UGT1A4: variants seen among roughly 807,000 people sequenced by gnomAD.
UGT1A4 encodes the protein UDP glucuronosyltransferase family 1 member A4.
In UGT1A4, 32 loss-of-function variants were observed where a neutral mutation model predicts 41.1. The ratio of observed to expected loss-of-function variants is 0.78; its 90% CI spans 0.59 to 1.05. UGT1A4 has a LOEUF of 1.05. UGT1A4 is among the 50% of genes least tolerant of loss of function. The pLI, the probability that UGT1A4 is intolerant of heterozygous loss-of-function variation, is 0.00. For synonymous variants in UGT1A4, 283 were observed against 265.1 expected, an observed-to-expected ratio of 1.07 and a Z score of -0.66; for missense variants, 748 against 677.4, an observed-to-expected ratio of 1.10 and a Z score of -1.16.
intron 1 of UGT1A4, among the ~76,000 whole-genome samples, chr2:233,727,362 C>G (rs1360836232): frequency 6.6e-6 from 1 of 152,136 alleles, no homozygotes; most frequent in Admixed American, 6.5e-5. Context: ...ATCCTTAGGG[C>G]CCCTAGGTCT....
intron 1 of UGT1A4, among the ~76,000 whole-genome samples, chr2:233,734,140 A>T (rs2078490993): frequency 1.3e-5 from 2 of 152,148 alleles, no homozygotes; most frequent in Admixed American, 1.3e-4. Context: ...TTTGGCTGTG[A>T]ATCCATCTGG....
Position 233,756,787 on chromosome 2 carries a change from G to A in UGT1A4, c.868-10247G>A, listed in dbSNP as rs1029492896. Among the ~76,000 whole-genome samples the A allele has an allele frequency of 9.9e-5, 15 of 151,900 alleles. No individual in the cohort carries two copies. The East Asian group carries it at 1.2e-3, about 12-fold the overall frequency. On this transcript the variant is annotated intron_variant, in intron 1 of 4. Coordinates refer to ENST00000373409, the MANE Select transcript of UGT1A4 (RefSeq NM_007120.3). ...GGATTCTTTGCTTTGATAAATTGTG[G>A]GGCAATACACTAGTAAAGGTCACTC... is the stretch of plus-strand genomic sequence containing the variant.
chr2:233,733,971 G>A (rs927832512), intron 1 of UGT1A4, among the ~76,000 whole-genome samples: 7 of 152,028 alleles, frequency 4.6e-5, no homozygotes, highest in African/African-American at 7.3e-5. Flanking sequence ...TAGGGGGAGC[G>A]GGGAGGGATA....
chr2:233,730,559 G>A (rs1203367462), intron 1 of UGT1A4, among the ~76,000 whole-genome samples: 1 of 152,170 alleles, frequency 6.6e-6, no homozygotes, highest in Non-Finnish European at 1.5e-5. Context: ...ATTAGAGAAT[G>A]ACACACGAAG....
chr2:233,744,104 G>T (rs1183907106), intron 1 of UGT1A4: 22 of 400,806 alleles, frequency 5.5e-5, no homozygotes, highest in Non-Finnish European at 4.5e-6. Context: ...TCTGGGACTG[G>T]CCCTGCTCTC....
At chr2:233,731,359 A>G (rs2078149638) in intron 1 of UGT1A4, among the ~76,000 whole-genome samples, 1 of 151,208 alleles carries the variant, frequency 6.6e-6, no homozygotes, top group Admixed American at 6.6e-5. Context: ...ATAGGTATAC[A>G]TGTGCCATGT....
chr2:233,727,024 C>A (rs1363887346), intron 1 of UGT1A4, among the ~76,000 whole-genome samples: 2 of 152,054 alleles, frequency 1.3e-5, no homozygotes, highest in African/African-American at 4.8e-5. Flanking sequence ...TGTTTTTGTA[C>A]CCTAAGGAAT....
intron 1 of UGT1A4, among the ~76,000 whole-genome samples, chr2:233,756,978 C>T (rs1696373948): frequency 1.3e-5 from 2 of 151,968 alleles, no homozygotes; most frequent in Admixed American, 1.3e-4. Context: ...ACGCAATGAA[C>T]AGTCATAGTA....
chr2:233,763,551 G>A (rs946650773), intron 1 of UGT1A4, among the ~76,000 whole-genome samples: 3 of 152,122 alleles, frequency 2.0e-5, no homozygotes, highest in African/African-American at 7.2e-5. Context: ...CTACTGGTTG[G>A]TCAAGTTACT....
chr2:233,767,266 T>A (rs1028095369), intron 2 of UGT1A4, 101 bp downstream of exon 2: 5 of 1,587,970 alleles, frequency 3.1e-6, no homozygotes, highest in Non-Finnish European at 4.3e-6. Flanking sequence ...AACCTTAGAT[T>A]TGGCTTTTCC....
chr2:233,729,775 C>G (rs775577941), intron 1 of UGT1A4: 2 of 1,613,826 alleles, frequency 1.2e-6, no homozygotes, highest in East Asian at 2.2e-5. Context: ...CATGCTCTAC[C>G]CTCTGGCCCT....
At chr2:233,749,453 C>T (rs1313864160) in intron 1 of UGT1A4, among the ~76,000 whole-genome samples, 3 of 151,804 alleles carry the variant, frequency 2.0e-5, no homozygotes, top group Non-Finnish European at 2.9e-5. Flanking sequence ...TGGAGCAGAA[C>T]GAATTGGGAA....
At position 233,772,328 on chromosome 2, in the gene UGT1A4, G is replaced by A. The variant is rs1288878731; in HGVS notation, c.1374G>A (p.Leu458=). 2 of 1,614,180 alleles carry A rather than the reference G, an allele frequency of 1.2e-6. No individual in the cohort carries two copies. The highest frequency in any genetic ancestry group is 1.7e-6 in the Non-Finnish European group (2 of 1,180,040). The change falls in exon 5 of 5, where the codon CTG becomes CTA. Residue 458 remains leucine (L), a synonymous_variant. Coordinates refer to ENST00000373409, the MANE Select transcript of UGT1A4 (RefSeq NM_007120.3). ...HKDRPVEPLD[L]AVFWVEFVMR... is the part of the protein sequence containing the mutation. ...ACCGCCCGGTGGAGCCGCTGGACCT[G>A]GCCGTGTTCTGGGTGGAGTTTGTGA...
chr2:233,743,650 G>A (rs556129739), intron 1 of UGT1A4: 20 of 1,367,276 alleles, frequency 1.5e-5, no homozygotes, highest in Admixed American at 1.9e-5. Context: ...AGCTGAAGAC[G>A]TACTCGAAGG....
intron 1 of UGT1A4, among the ~76,000 whole-genome samples, chr2:233,725,008 C>T (rs1479605569): frequency 5.4e-5 from 8 of 148,164 alleles, no homozygotes; most frequent in African/African-American, 2.0e-4. Context: ...ACCGGCCCGG[C>T]CAAACAGCAA....
intron 1 of UGT1A4, chr2:233,739,155 A>C (rs182453819): frequency 1.1e-4 from 17 of 152,364 alleles, no homozygotes; most frequent in Admixed American, 3.9e-4. Flanking sequence ...CCTCCACATA[A>C]ATTTTAGAGG....
chr2:233,760,032 T>C (rs1193675988), intron 1 of UGT1A4, among the ~76,000 whole-genome samples: 1 of 152,208 alleles, frequency 6.6e-6, no homozygotes, highest in Non-Finnish European at 1.5e-5. Context: ...GTTCTGGAAG[T>C]ACTTTGCTGT....
At chr2:233,745,472 G>A (rs1454081365) in intron 1 of UGT1A4, among the ~76,000 whole-genome samples, 1 of 151,704 alleles carries the variant, frequency 6.6e-6, no homozygotes, top group Non-Finnish European at 1.5e-5. Context: ...AGGGGAAAAT[G>A]ATTAACCAAA....
chr2:233,728,938 C>T (rs1263603941), intron 1 of UGT1A4, among the ~76,000 whole-genome samples: 18 of 152,162 alleles, frequency 1.2e-4, no homozygotes, highest in Admixed American at 9.2e-4. Flanking sequence ...CGGTCTTTTC[C>T]AGGGTGGGGC....
Sources: allele counts gnomAD v4.1 joint callset (sites outside exome capture counted in the v4.1 genomes callset), GRCh38; gene constraint gnomAD v4.1.1; transcripts MANE v1.5; gene names NCBI Gene and HGNC (gene_info 2026-07-23, HGNC 2026-07-21).